Variants in MRPS6 observed in about 807,000 individuals in gnomAD.
The protein encoded by MRPS6 is small ribosomal subunit protein bS6m.
A neutral mutation model predicts 13.1 loss-of-function variants in MRPS6; 6 were observed. That is an observed-to-expected ratio of 0.46 (90% CI 0.25 to 0.91). The LOEUF (loss-of-function observed/expected upper bound fraction) is 0.91, where lower values mean the gene tolerates loss of function less well. Among genes scored for constraint, MRPS6 ranks in the 40% least tolerant of loss-of-function variants. MRPS6 has a pLI of 0.18. For synonymous variants in MRPS6, 61 were observed against 56.5 expected, an observed-to-expected ratio of 1.08 and a Z score of -0.36; for missense variants, 164 against 155.6, an observed-to-expected ratio of 1.05 and a Z score of -0.29.
intron 1 of MRPS6, chr21:34,101,488 C>G: frequency 1.0e-6 from 1 of 1,000,034 alleles, no homozygotes; most frequent in Non-Finnish European, 1.2e-6. Context: ...ATAGCCTGAG[C>G]AGACTTCTTT....
At chr21:34,115,752 T>C (rs1254149029) in intron 1 of MRPS6, among the ~76,000 whole-genome samples, 3 of 151,900 alleles carry the variant, frequency 2.0e-5, no homozygotes, top group Non-Finnish European at 4.4e-5. Context: ...AAAGGAAAAA[T>C]TGAATTTGTT....
At chr21:34,104,065 A>G in intron 1 of MRPS6, 4 of 1,000,108 alleles carry the variant, frequency 4.0e-6, no homozygotes, top group Non-Finnish European at 4.8e-6. Flanking sequence ...AACAGGGCAA[A>G]TACTACTTGT....
At chr21:34,100,751 C>T (rs997588876) in intron 1 of MRPS6, 41 of 999,806 alleles carry the variant, frequency 4.1e-5, no homozygotes, top group Non-Finnish European at 4.9e-5. Context: ...TGTCTGTATT[C>T]GCAGTCCATG....
chr21:34,119,458 C>T (rs1980045085), intron 1 of MRPS6, among the ~76,000 whole-genome samples: 1 of 152,206 alleles, frequency 6.6e-6, no homozygotes, highest in Non-Finnish European at 1.5e-5. Flanking sequence ...AATTAAGATT[C>T]AGCAAAGAAT....
chr21:34,129,611 T>C (rs537338724), intron 2 of MRPS6, among the ~76,000 whole-genome samples: 14 of 152,310 alleles, frequency 9.2e-5, no homozygotes, highest in Non-Finnish European at 1.9e-4. Context: ...ACCAGCTCCA[T>C]GGTGAATCAG....
At chr21:34,083,998 A>T (rs1157559390) in intron 1 of MRPS6, among the ~76,000 whole-genome samples, 1 of 152,156 alleles carries the variant, frequency 6.6e-6, no homozygotes, top group Non-Finnish European at 1.5e-5. Context: ...TGCAAGAGGA[A>T]AATCCAGCTG....
At chr21:34,114,826 T>C (rs2148665789) in intron 1 of MRPS6, among the ~76,000 whole-genome samples, 1 of 152,340 alleles carries the variant, frequency 6.6e-6, no homozygotes, top group African/African-American at 2.4e-5. Context: ...CTAACTAATA[T>C]ATAGCTGACA....
At chr21:34,127,755 T>G (rs940862969) in intron 2 of MRPS6, among the ~76,000 whole-genome samples, 8 of 152,226 alleles carry the variant, frequency 5.3e-5, no homozygotes, top group Non-Finnish European at 2.9e-5. Flanking sequence ...TTTTGTTCAT[T>G]TGGCAAATTC....
chr21:34,091,682 T>G (rs1236374926), intron 1 of MRPS6, among the ~76,000 whole-genome samples: 1 of 152,214 alleles, frequency 6.6e-6, no homozygotes, highest in African/African-American at 2.4e-5. Flanking sequence ...GCATTCTAAT[T>G]CTGTGCAAAA....
chr21:34,126,905 G>T (rs1460902060), intron 2 of MRPS6, among the ~76,000 whole-genome samples: 1 of 152,096 alleles, frequency 6.6e-6, no homozygotes, highest in Non-Finnish European at 1.5e-5. Flanking sequence ...CCAGGCTCAA[G>T]AACTGCTGTG....
intron 1 of MRPS6, among the ~76,000 whole-genome samples, chr21:34,080,897 C>T (rs1337379564): frequency 1.3e-5 from 2 of 152,212 alleles, no homozygotes; most frequent in South Asian, 2.1e-4. Context: ...ACTTCGCTCA[C>T]GCTGGGTGAG....
At chr21:34,082,524 TA>T (rs1989482290) in intron 1 of MRPS6, among the ~76,000 whole-genome samples, 1 of 152,006 alleles carries the variant, frequency 6.6e-6, no homozygotes, top group Admixed American at 6.5e-5. Flanking sequence ...TTGCTTTGCC[TA>T]GAAAATATTT....
intron 1 of MRPS6, among the ~76,000 whole-genome samples, chr21:34,091,720 T>G (rs1003740318): frequency 6.6e-6 from 1 of 152,220 alleles, no homozygotes; most frequent in Non-Finnish European, 1.5e-5. Flanking sequence ...CTGAGAAGGA[T>G]GCCTTCTCTT....
chr21:34,099,471 A>G, intron 1 of MRPS6: 3 of 1,000,026 alleles, frequency 3.0e-6, no homozygotes, highest in Non-Finnish European at 3.6e-6. Context: ...TGGATTTTTC[A>G]AATTAACATT....
At chr21:34,085,037 T>TA (rs1244662110) in intron 1 of MRPS6, among the ~76,000 whole-genome samples, 1 of 152,260 alleles carries the variant, frequency 6.6e-6, no homozygotes, top group East Asian at 1.9e-4. Context: ...CGGACATTGA[T>TA]ACGATACTAC....
intron 1 of MRPS6, among the ~76,000 whole-genome samples, chr21:34,086,846 T>C (rs370868097): frequency 6.8e-6 from 1 of 147,318 alleles, no homozygotes; most frequent in African/African-American, 2.5e-5. Context: ...GGATTCTTCA[T>C]GAGTTGACAT....
intron 2 of MRPS6, among the ~76,000 whole-genome samples, chr21:34,131,030 A>G (rs754324106): frequency 1.7e-4 from 26 of 152,336 alleles, no homozygotes; most frequent in Non-Finnish European, 1.5e-5. Flanking sequence ...CATGTAGCAC[A>G]TGGTCGAAGG....
chr21:34,123,439 C>G (rs144699135), intron 1 of MRPS6: 2 of 152,052 alleles, frequency 1.3e-5, no homozygotes, highest in Admixed American at 6.6e-5. Flanking sequence ...GCTTCCTCCC[C>G]GATGGTTTCC....
chr21:34,122,771 T>G (rs1000936907), intron 1 of MRPS6: 2 of 152,122 alleles, frequency 1.3e-5, no homozygotes, highest in African/African-American at 4.8e-5. Flanking sequence ...GATGGGCTGT[T>G]CCTTTACCTT....
Sources: gnomAD v4.1 joint callset for allele counts (sites outside exome capture counted in the v4.1 genomes callset) on GRCh38, gnomAD v4.1.1 for gene constraint, MANE v1.5 for transcripts, NCBI Gene and HGNC (gene_info 2026-07-23, HGNC 2026-07-21) for gene names.